Variants in MX2 observed in about 807,000 individuals in gnomAD.
The protein encoded by MX2 is interferon-induced GTP-binding protein Mx2.
In MX2, 51 loss-of-function variants were observed where a neutral mutation model predicts 74.0. That is an observed-to-expected ratio of 0.69 (90% CI 0.55 to 0.87). The LOEUF (loss-of-function observed/expected upper bound fraction) is 0.87. MX2 is among the 40% of genes least tolerant of loss of function. The pLI is 0.00. For synonymous variants in MX2, 369 were observed against 339.3 expected, an observed-to-expected ratio of 1.09 and a Z score of -0.96; for missense variants, 832 against 908.7, an observed-to-expected ratio of 0.92 and a Z score of 1.09.
At chr21:41,362,646 C>T (rs1433982416) in intron 1 of MX2, among the ~76,000 whole-genome samples, 2 of 151,912 alleles carry the variant, frequency 1.3e-5, no homozygotes, top group African/African-American at 4.8e-5. Flanking sequence ...GCACTCTGGA[C>T]CACTGCACCC....
chr21:41,370,581 T>C (rs1238556127), intron 1 of MX2: 1 of 152,270 alleles, frequency 6.6e-6, no homozygotes, highest in African/African-American at 2.4e-5. Flanking sequence ...AATGGTTCTA[T>C]TGTTTGTATA....
intron 5 of MX2, among the ~76,000 whole-genome samples, chr21:41,385,201 C>T (rs905275151): frequency 6.6e-6 from 1 of 152,210 alleles, no homozygotes; most frequent in Admixed American, 6.5e-5. Context: ...CCTTTACATG[C>T]CTTTCTCACT....
rs761026608 is a variant in MX2 at position 41,398,901 on chromosome 21, C to T, written c.1154C>T (p.Ser385Leu). 57 of 1,611,764 alleles carry T rather than the reference C, an allele frequency of 3.5e-5. No homozygotes were observed. Among genetic ancestry groups the T allele is most frequent in the Non-Finnish European group, 4.2e-5 (49 of 1,178,668 alleles). ...TTELIMHIQKSLPLLEGQIRE... is the reference protein window; with the variant it reads ...TTELIMHIQKLLPLLEGQIRE... The stretch of plus-strand genomic sequence containing the variant: ...GTTTGCAATTGTTTTGTTTAGAAAT[C>T]GCTCCCGTTGTTAGAAGGACAAATA... Residue 385 changes from serine to leucine, a missense_variant, in exon 9 of 14, where the codon TCG becomes TTG. By Grantham distance (145) the Ser-to-Leu change is moderately radical. Transcript: ENST00000330714.
rs748381668 is a variant in MX2, at chr21:41,397,617, C to T, written c.1075C>T (p.Leu359Phe). The change falls in exon 8 of 14, where the codon CTC becomes TTC. Residue 359 changes from leucine (L) to phenylalanine (F), a missense_variant. Coordinates refer to ENST00000330714, the MANE Select transcript of MX2 (RefSeq NM_002463.2). ...TGAATGTCTGTCTCATTTCAGAGTT[C>T]TCCTGGAGGAGGGGTCAGCCACGGT... ...FFQTHPYFRV[L>F]LEEGSATVPR... 2 of 1,613,666 alleles carry T rather than the reference C, an allele frequency of 1.2e-6. No homozygotes were observed. Among genetic ancestry groups the T allele is most frequent in the South Asian group, 2.2e-5 (2 of 91,064 alleles).
At chr21:41,372,041 C>T (rs980398368) in intron 1 of MX2, among the ~76,000 whole-genome samples, 2 of 152,168 alleles carry the variant, frequency 1.3e-5, no homozygotes, top group African/African-American at 2.4e-5. Context: ...AAGAAGGACC[C>T]TCCAGGACAG....
chr21:41,384,845 A>AT (rs1209736587), intron 5 of MX2, among the ~76,000 whole-genome samples: 2 of 151,964 alleles, frequency 1.3e-5, no homozygotes, highest in East Asian at 3.8e-4. Context: ...TCTCAAAAAA[A>AT]AAAAAAAAGA....
In MX2 at chr21:41,402,444, C is replaced by A. The variant is rs2089826859; in HGVS notation, c.1573+316C>A. 6.6e-6 allele frequency among the ~76,000 whole-genome samples: 1 copy of A among 152,226 alleles called. No individual in the cohort carries two copies. On this transcript the variant is annotated intron_variant, in intron 11 of 13. Coordinates refer to ENST00000330714, the MANE Select transcript of MX2 (RefSeq NM_002463.2). The surrounding 1 kb of genome is among the most constrained non-coding windows in gnomAD (Gnocchi z 4.5). ...GTGGAGGAGGCGGGGAAGATGGTTT[C>A]TCTTGTCTTTGGGGGGCAGGCAGAG...
chr21:41,373,038 G>A (rs531676649), intron 1 of MX2: 1 of 152,310 alleles, frequency 6.6e-6, no homozygotes, highest in African/African-American at 2.4e-5. Flanking sequence ...ATTGCAGCTG[G>A]GGAGACAGGA....
chr21:41,363,055 G>A lies in MX2; in HGVS notation c.-72+1000G>A, dbSNP rs1486789936. Among the ~76,000 whole-genome samples, 1 of 151,882 alleles carries A rather than the reference G, an allele frequency of 6.6e-6. No homozygotes were observed. The highest frequency in any genetic ancestry group is 1.5e-5 in the Non-Finnish European group (1 of 67,988). On this transcript the variant is annotated intron_variant, in intron 1 of 13. Transcript: ENST00000330714. The surrounding 1 kb of genome is among the most constrained non-coding windows in gnomAD (Gnocchi z 4.2). Reference sequence around the variant, plus strand: ...ATTACAGGCGTAAGCCACCCCATTCGGCTTTGATGACACCTTTTGAACACT... The same window carrying A: ...ATTACAGGCGTAAGCCACCCCATTCAGCTTTGATGACACCTTTTGAACACT...
intron 1 of MX2, among the ~76,000 whole-genome samples, chr21:41,376,292 G>A (rs1405327878): frequency 1.3e-5 from 2 of 152,220 alleles, no homozygotes; most frequent in African/African-American, 4.8e-5. Context: ...CCAGCACTTT[G>A]GGATGCTGAG....
At chr21:41,400,578 G>A (rs1206647139) in intron 10 of MX2, among the ~76,000 whole-genome samples, 1 of 150,074 alleles carries the variant, frequency 6.7e-6, no homozygotes, top group African/African-American at 2.4e-5. Context: ...AGGTTTAATG[G>A]ACTCACAGTT....
At chr21:41,384,383 A>T (rs1271033654) in intron 5 of MX2, among the ~76,000 whole-genome samples, 1 of 152,222 alleles carries the variant, frequency 6.6e-6, no homozygotes, top group Admixed American at 6.5e-5. Context: ...AGACAGTTTG[A>T]TCTCAAACAG....
intron 3 of MX2, 122 bp from the exon 4 acceptor site, chr21:41,379,895 C>CAGGG: frequency 7.7e-7 from 1 of 1,294,326 alleles, no homozygotes. Context: ...TACCAGGCCC[C>CAGGG]AGGGAGAGCC....
At chr21:41,378,107 C>A in intron 3 of MX2, 126 bp downstream of exon 3, 1 of 1,234,394 alleles carries the variant, frequency 8.1e-7, no homozygotes, top group Non-Finnish European at 1.1e-6. Flanking sequence ...AGACAGGACG[C>A]TGGGAGAGAG....
At chr21:41,403,831 A>G in intron 12 of MX2, 3 of 342,532 alleles carry the variant, frequency 8.8e-6, no homozygotes, top group Non-Finnish European at 1.8e-5. Flanking sequence ...TCTTCTGCCC[A>G]GGCCTGGGCT....
At position 41,390,691 on chromosome 21, in the gene MX2, G is replaced by A. The variant is rs760013117; in HGVS notation, c.859G>A (p.Asp287Asn). 135 of 1,613,970 alleles carry A rather than the reference G, an allele frequency of 8.4e-5. No homozygotes were observed. Among genetic ancestry groups the A allele is most frequent in the Non-Finnish European group, 1.1e-4 (129 of 1,180,000 alleles). ...GGCCCATGAGGTGGACCCGGAAGGG[G>A]ACAGGACCATCGGTAAGAGGAAAGA... ...SMAHEVDPEG[D>N]RTIGILTKPD... is the part of the protein sequence containing the mutation. The change falls in exon 6 of 14, where the codon GAC becomes AAC. Residue 287 changes from aspartate (D) to asparagine (N), a missense_variant. Physicochemically the swap from Asp to Asn is conservative, Grantham distance 23. Coordinates refer to ENST00000330714, the MANE Select transcript of MX2 (RefSeq NM_002463.2).
rs139047929 is a variant in MX2, at chr21:41,377,903, G to A, written c.364G>A (p.Ala122Thr). The change falls in exon 3 of 14, where the codon GCC (alanine) becomes ACC (threonine). Residue 122 changes from alanine (A) to threonine (T), a missense_variant. Transcript: ENST00000330714. ...GCAGGACCTGGCCCTGCCAGCCATCGCCGTCATCGGGGACCAGAGCTCGGG... is the reference window on the plus strand; with the variant it reads ...GCAGGACCTGGCCCTGCCAGCCATCACCGTCATCGGGGACCAGAGCTCGGG... ...VEQDLALPAI[A>T]VIGDQSSGKS... The A allele has an allele frequency of 2.4e-5, 39 of 1,614,074 alleles. No homozygotes were observed. The highest frequency in any genetic ancestry group is 1.6e-4 in the East Asian group (7 of 44,890).
chr21:41,392,963 G>C (rs1041702615), intron 6 of MX2, among the ~76,000 whole-genome samples: 1 of 151,800 alleles, frequency 6.6e-6, no homozygotes, highest in Non-Finnish European at 1.5e-5. Context: ...AAAATTAGCC[G>C]GGTGTGGTGG....
chr21:41,370,523 T>G (rs550984528), intron 1 of MX2: 75 of 152,396 alleles, frequency 4.9e-4, no homozygotes, highest in African/African-American at 1.8e-3. Context: ...CTAAACAGTC[T>G]TGCCTTCCTG....
Sources: allele counts gnomAD v4.1 joint callset (sites outside exome capture counted in the v4.1 genomes callset), GRCh38; gene constraint gnomAD v4.1.1; non-coding constraint Gnocchi (gnomAD v3.1); transcripts MANE v1.5; gene names NCBI Gene and HGNC (gene_info 2026-07-23, HGNC 2026-07-21).